Variants in SRCIN1 observed in about 807,000 individuals in gnomAD.
SRCIN1 encodes SRC kinase signaling inhibitor 1.
In SRCIN1, 50 loss-of-function variants were observed where a neutral mutation model predicts 116.2. That is an observed-to-expected ratio of 0.43 (90% CI 0.34 to 0.54). The LOEUF is 0.54. Among genes scored for constraint, SRCIN1 ranks in the 20% least tolerant of loss-of-function variants. The pLI, the probability that SRCIN1 is intolerant of heterozygous loss-of-function variation, is 0.02. For synonymous variants in SRCIN1, 736 were observed against 750.0 expected (o/e 0.98, Z 0.30); for missense variants, 1,446 against 1,672.0 (o/e 0.86, Z 2.36).
chr17:38,567,328 T>C (rs944759018), intron 3 of SRCIN1, among the ~76,000 whole-genome samples: 3 of 152,228 alleles, frequency 2.0e-5, no homozygotes, highest in African/African-American at 7.2e-5. Context: ...AGCAGCAGAC[T>C]GTATGGAATT....
intron 10 of SRCIN1, chr17:38,559,153 A>C: frequency 5.2e-6 from 1 of 193,850 alleles, no homozygotes. Context: ...AGGGCCGGGG[A>C]GACTGTTGGG....
chr17:38,539,363 C>T (rs1036217737), intron 18 of SRCIN1, among the ~76,000 whole-genome samples: 8 of 152,176 alleles, frequency 5.3e-5, no homozygotes, highest in Non-Finnish European at 1.0e-4. Flanking sequence ...GTGGGGATTA[C>T]AGGCGTGAGC....
chr17:38,590,078 G>C (rs1908358305), intron 1 of SRCIN1, among the ~76,000 whole-genome samples: 1 of 152,178 alleles, frequency 6.6e-6, no homozygotes, highest in African/African-American at 2.4e-5. Flanking sequence ...TGGAGCACAG[G>C]CTTCAAGGCA....
intron 3 of SRCIN1, among the ~76,000 whole-genome samples, chr17:38,566,191 G>A (rs1228941703): frequency 6.6e-6 from 1 of 152,200 alleles, no homozygotes; most frequent in Non-Finnish European, 1.5e-5. Flanking sequence ...ATGCCAGTAA[G>A]GAGGCAGAAC....
chr17:38,600,671 G>A (rs1908970515), intron 1 of SRCIN1, among the ~76,000 whole-genome samples: 1 of 152,208 alleles, frequency 6.6e-6, no homozygotes, highest in South Asian at 2.1e-4. Context: ...CCTGGAGGGT[G>A]CACAGCCTCA....
intron 2 of SRCIN1, 31 bp downstream of exon 2, chr17:38,578,459 C>G (rs1298633958): frequency 1.2e-5 from 19 of 1,540,310 alleles, no homozygotes; most frequent in South Asian, 2.5e-5. Context: ...GCCGCGGCCG[C>G]AGCCGCAGCC....
Position 38,568,118 on chromosome 17 carries a change from C to T in SRCIN1, c.345+93G>A, listed in dbSNP as rs1906840156. 2.0e-6 allele frequency: 3 copies of T among 1,491,774 alleles called. No individual in the cohort carries two copies. The highest frequency in any genetic ancestry group is 1.8e-5 in the Admixed American group (1 of 55,344). 92.4% of individuals were successfully genotyped at this position (1,491,774 alleles called of 1,614,324 possible). ...ACCAGAAGGTGTCCGTGCAGATGCG[C>T]ACCCCGGTGCAAAGCCTGTGCAAGG... On this transcript the variant is annotated intron_variant, in intron 3 of 18. Transcript: ENST00000617146. The surrounding 1 kb of genome is among the most constrained non-coding windows in gnomAD (Gnocchi z 4.5).
chr17:38,552,412 A>C lies in SRCIN1; in HGVS notation c.2480+35T>G, dbSNP rs35447171. The stretch of plus-strand genomic sequence containing the variant: ...CTATGGGTCTGGGCCCGGTGTGTGA[A>C]CCCATGGGAAATCAGAGGTCAGGGA... On this transcript the variant is annotated intron_variant, in intron 13 of 18. Transcript: ENST00000617146. This position sits in a 1 kb window ranked among gnomAD's most constrained non-coding sequence, Gnocchi z 5.3. 0.22 allele frequency: 353,769 copies of C among 1,580,880 alleles called. 43,964 individuals carry two copies. The highest frequency in any genetic ancestry group is 0.51 in the African/African-American group (37,457 of 73,544).
Position 38,563,652 on chromosome 17 carries a change from G to C in SRCIN1, c.542-131C>G. 1 of 1,260,970 alleles carries C rather than the reference G, an allele frequency of 7.9e-7. No individual in the cohort carries two copies. The highest frequency in any genetic ancestry group is 1.1e-6 in the Non-Finnish European group (1 of 896,452). The allele number at this position is 1,260,970 out of a possible 1,614,324, so 78.1% of individuals were successfully genotyped here. ...GTCTGAGGCTAGACGCCGCCCCCGA[G>C]TGCAGATGCACCCAGGCACCTCTCA... On this transcript the variant is annotated intron_variant, in intron 4 of 18. Transcript: ENST00000617146. This position sits in a 1 kb window ranked among gnomAD's most constrained non-coding sequence, Gnocchi z 5.8.
rs1907935604 is a variant in SRCIN1, at chr17:38,583,548, G to GTTTTTTGTTTTT, written c.23-4758_23-4757insAAAAACAAAAAA. ...GGTTGTTTTCTTTTTTTCATTTTCT[G>GTTTTTTGTTTTT]TTTTTTTTTTTTTTTTTTTTTTGAG... On this transcript the variant is annotated intron_variant, in intron 1 of 18. Transcript: ENST00000617146. 1.2e-4 allele frequency among the ~76,000 whole-genome samples: 13 copies of GTTTTTTGTTTTT among 104,264 alleles called. 2 individuals carry two copies. Among genetic ancestry groups the GTTTTTTGTTTTT allele is most frequent in the African/African-American group, 3.1e-4 (8 of 26,082 alleles). 68.4% of individuals were successfully genotyped at this position (104,264 alleles called of 152,430 possible).
intron 1 of SRCIN1, among the ~76,000 whole-genome samples, chr17:38,594,241 C>A (rs530251051): frequency 2.0e-5 from 3 of 152,178 alleles, no homozygotes; most frequent in Non-Finnish European, 4.4e-5. Context: ...TGGCTTCTCC[C>A]GGCAGCAGCC....
At chr17:38,545,728 T>C (rs888667790) in intron 17 of SRCIN1, among the ~76,000 whole-genome samples, 1 of 152,184 alleles carries the variant, frequency 6.6e-6, no homozygotes, top group Non-Finnish European at 1.5e-5. Flanking sequence ...ACACCACCCA[T>C]GTGAGCCTCT....
At position 38,558,407 on chromosome 17, in the gene SRCIN1, G is replaced by C. The variant is rs778919140; in HGVS notation, c.2026-5C>G. Reference sequence around the variant, plus strand: ...CACCGACTCCTGGTTCTGTAGCTGCGGGACGCACGGACGGATGGACCCGGG... The same window carrying C: ...CACCGACTCCTGGTTCTGTAGCTGCCGGACGCACGGACGGATGGACCCGGG... On this transcript the variant is annotated splice_polypyrimidine_tract_variant and splice_region_variant and intron_variant, in intron 10 of 18. Coordinates refer to ENST00000617146, the MANE Select transcript of SRCIN1 (RefSeq NM_025248.3). The surrounding 1 kb of genome is among the most constrained non-coding windows in gnomAD (Gnocchi z 4.6). 1.3e-6 allele frequency: 2 copies of C among 1,591,378 alleles called. No homozygotes were observed. Among genetic ancestry groups the C allele is most frequent in the East Asian group, 4.5e-5 (2 of 43,976 alleles).
At chr17:38,535,944 A>G (rs1181921266) in intron 18 of SRCIN1, among the ~76,000 whole-genome samples, 1 of 152,152 alleles carries the variant, frequency 6.6e-6, no homozygotes, top group African/African-American at 2.4e-5. Context: ...GCATTTTTCA[A>G]GAGCCTCATT....
chr17:38,561,741 T>C lies in SRCIN1; in HGVS notation c.1422A>G (p.Ser474=). 1.3e-6 allele frequency: 2 copies of C among 1,517,612 alleles called. No individual in the cohort carries two copies. The highest frequency in any genetic ancestry group is 1.8e-6 in the Non-Finnish European group (2 of 1,138,558). The allele number at this position is 1,517,612 out of a possible 1,614,324, so 94.0% of individuals were successfully genotyped here. ...DGYGFRLPPS[S]PQKLADVAAP... ...CTGCCACGTCGGCCAGCTTCTGCGG[T>C]GACGAAGGCGGCAGGCGGAAGCCGT... The change falls in exon 7 of 19, where the codon TCA becomes TCG. Residue 474 remains serine (S), a synonymous_variant. Transcript: ENST00000617146.
At chr17:38,548,487 G>A (rs1215059916) in intron 17 of SRCIN1, 70 bp downstream of exon 17, 2 of 1,580,820 alleles carry the variant, frequency 1.3e-6, no homozygotes, top group African/African-American at 1.3e-5. Flanking sequence ...CTGTCACCTG[G>A]CCTGGGGGGC....
chr17:38,533,213 G>C lies in SRCIN1; in HGVS notation c.*84C>G, dbSNP rs967284799. ...CTCAGGGCGTCTGGAGAGTAGGGTG[G>C]GGTGGGGTGGAGATGAAGGAAGAGA... On this transcript the variant is annotated 3_prime_UTR_variant, in exon 19 of 19. Coordinates refer to ENST00000617146, the MANE Select transcript of SRCIN1 (RefSeq NM_025248.3). 24 of 1,480,354 alleles carry C rather than the reference G, an allele frequency of 1.6e-5. No individual in the cohort carries two copies. In the Admixed American group the frequency reaches 5.2e-4, roughly 32 times the overall value. 91.7% of individuals were successfully genotyped at this position (1,480,354 alleles called of 1,614,324 possible).
chr17:38,543,789 G>A (rs751418356), intron 18 of SRCIN1, 34 bp downstream of exon 18: 30 of 1,595,920 alleles, frequency 1.9e-5, no homozygotes, highest in Non-Finnish European at 2.5e-5. Context: ...GCAGCAGAGT[G>A]GGCCTGGGTG....
intron 3 of SRCIN1, among the ~76,000 whole-genome samples, chr17:38,567,827 G>A (rs1272393771): frequency 6.6e-6 from 1 of 152,192 alleles, no homozygotes; most frequent in Admixed American, 6.5e-5. Flanking sequence ...CTCCCTGGGA[G>A]GTGAGATATG....
Sources: gnomAD v4.1 joint callset for allele counts (sites outside exome capture counted in the v4.1 genomes callset) on GRCh38, gnomAD v4.1.1 for gene constraint, Gnocchi (gnomAD v3.1) non-coding constraint, MANE v1.5 for transcripts, NCBI Gene and HGNC (gene_info 2026-07-23, HGNC 2026-07-21) for gene names.